Variants in CREB5 observed in about 807,000 individuals in gnomAD.
CREB5 encodes cAMP responsive element binding protein 5.
CREB5 carries 19 observed loss-of-function variants against 57.1 expected under a neutral mutation model. That is an observed-to-expected ratio of 0.33 (90% confidence interval 0.23 to 0.49). The LOEUF is 0.49. CREB5 is among the 20% of genes least tolerant of loss of function. The pLI is 0.99. For missense variants in CREB5, 579 were observed against 671.6 expected (o/e 0.86, Z 1.52); for synonymous variants, 238 against 238.3 (o/e 1.00, Z 0.01).
intron 5 of CREB5, among the ~76,000 whole-genome samples, chr7:28,589,311 T>C (rs150896293): frequency 0.1 from 15,685 of 152,108 alleles, 990 homozygotes; most frequent in South Asian, 0.19. Flanking sequence ...TCTCAGCACT[T>C]TGGGAGACCG....
rs114335825 is a variant in CREB5, at chr7:28,301,964, T to A, written c.-25+2523T>A. Among the ~76,000 whole-genome samples the A allele has an allele frequency of 5.9e-3, 900 of 152,356 alleles. 15 individuals carry two copies. Among genetic ancestry groups the A allele is most frequent in the African/African-American group, 0.021 (864 of 41,586 alleles). ...TGACTGAGTGAAGTCAGAGCTTTGA[T>A]ATCTGGAGAGGGTGTTTTAAATGGA... is the stretch of plus-strand genomic sequence containing the variant. On this transcript the variant is annotated intron_variant, in intron 1 of 9. Transcript: ENST00000396299.
intron 1 of CREB5, among the ~76,000 whole-genome samples, chr7:28,348,103 T>A (rs76239954): frequency 6.6e-6 from 1 of 152,124 alleles, no homozygotes. Flanking sequence ...TTCCTTGTGT[T>A]ATTCAGCCGA....
rs75177447 is a variant in CREB5 at position 28,391,734 on chromosome 7, C to A, written c.-25+92293C>A. ...TGGTTCTTCTCACCAAATATCAGAA[C>A]AACAAATCAATCTTCCATCTCTGTC... On this transcript the variant is annotated intron_variant, in intron 1 of 9. Coordinates refer to the CREB5 transcript ENST00000396299. 6.6e-5 allele frequency among the ~76,000 whole-genome samples: 10 copies of A among 152,322 alleles called. No homozygotes were observed. The East Asian group carries it at 1.9e-3, about 29-fold the overall frequency.
chr7:28,483,654 A>G (rs895257295), intron 1 of CREB5, among the ~76,000 whole-genome samples: 2 of 152,170 alleles, frequency 1.3e-5, no homozygotes, highest in Non-Finnish European at 2.9e-5. Context: ...GAGTCTTTCA[A>G]ATGTTGCTTC....
chr7:28,388,236 G>A (rs1787149412), intron 1 of CREB5, among the ~76,000 whole-genome samples: 1 of 152,164 alleles, frequency 6.6e-6, no homozygotes, highest in African/African-American at 2.4e-5. Context: ...AGACCTTTGA[G>A]GGACAAGCCT....
chr7:28,537,425 T>C (rs1794009763), intron 4 of CREB5, among the ~76,000 whole-genome samples: 1 of 150,840 alleles, frequency 6.6e-6, no homozygotes, highest in Non-Finnish European at 1.5e-5. Flanking sequence ...GTTGAGCATA[T>C]GGCCATTTAA....
At chr7:28,712,515 A>G (rs1270888040) in intron 5 of CREB5, among the ~76,000 whole-genome samples, 1 of 150,204 alleles carries the variant, frequency 6.7e-6, no homozygotes, top group African/African-American at 2.4e-5. Context: ...CAAAAAAAAA[A>G]AAAGAGAATT....
At chr7:28,321,277 TTTCCTC>T (rs1419711988) in intron 1 of CREB5, among the ~76,000 whole-genome samples, 2 of 152,166 alleles carry the variant, frequency 1.3e-5, no homozygotes, top group Non-Finnish European at 2.9e-5. Flanking sequence ...TTCTGTCTCT[TTTCCTC>T]TTCCTCCTCG....
At chr7:28,519,549 A>G (rs58287767) in intron 4 of CREB5, among the ~76,000 whole-genome samples, 27,686 of 152,030 alleles carry the variant, frequency 0.18, 4,445 homozygotes, top group African/African-American at 0.44. Context: ...GGTTTGCACA[A>G]ATCTAAACAC....
At chr7:28,446,990 G>T (rs775538282) in intron 1 of CREB5, among the ~76,000 whole-genome samples, 11 of 152,130 alleles carry the variant, frequency 7.2e-5, no homozygotes, top group Admixed American at 3.3e-4. Flanking sequence ...AGTAGAATCT[G>T]ACTGGCTGAG....
At chr7:28,753,658 G>A (rs985471734) in intron 7 of CREB5, among the ~76,000 whole-genome samples, 2 of 150,794 alleles carry the variant, frequency 1.3e-5, no homozygotes, top group Admixed American at 1.3e-4. Flanking sequence ...AAACTAAATG[G>A]CATGCACTTG....
intron 1 of CREB5, among the ~76,000 whole-genome samples, chr7:28,453,167 G>A (rs1021258133): frequency 1.3e-5 from 2 of 152,296 alleles, no homozygotes; most frequent in East Asian, 3.9e-4. Flanking sequence ...GCCGGGCGTG[G>A]TGGCTTATAC....
chr7:28,590,874 G>C (rs1796485740), intron 5 of CREB5, among the ~76,000 whole-genome samples: 1 of 152,084 alleles, frequency 6.6e-6, no homozygotes, highest in Admixed American at 6.5e-5. Flanking sequence ...TATAGCAAAA[G>C]TCCTCAATGA....
chr7:28,401,939 G>A (rs553982326), intron 1 of CREB5, among the ~76,000 whole-genome samples: 24 of 152,306 alleles, frequency 1.6e-4, no homozygotes, highest in South Asian at 2.1e-4. Context: ...TAATGGGATG[G>A]CTGGGTCAAA....
At position 28,819,434 on chromosome 7, in the gene CREB5, T is replaced by A; in HGVS notation, c.*155T>A. On this transcript the variant is annotated 3_prime_UTR_variant, in exon 11 of 11. Transcript: ENST00000357727. The stretch of plus-strand genomic sequence containing the variant: ...ATAGTTATTATGGAAATGTTGTCTT[T>A]TATACTTAGTTATATAAGAAAAAAG... 4.4e-6 allele frequency: 3 copies of A among 685,988 alleles called. No homozygotes were observed. Among genetic ancestry groups the A allele is most frequent in the Non-Finnish European group, 6.8e-6 (3 of 437,984 alleles). 42.5% of individuals were successfully genotyped at this position (685,988 alleles called of 1,614,324 possible).
At position 28,494,062 on chromosome 7, in the gene CREB5, T is replaced by G. The variant is rs144488120; in HGVS notation, c.76-844T>G. Among the ~76,000 whole-genome samples, 720 of 152,314 alleles carry G rather than the reference T, an allele frequency of 4.7e-3. 8 individuals are homozygous for G. The highest frequency in any genetic ancestry group is 0.016 in the African/African-American group (680 of 41,576). On this transcript the variant is annotated intron_variant, in intron 2 of 10. Transcript: ENST00000357727. ...CTTCTTTCATCATGTATATCTCCTA[T>G]TTTTGGTTAATCCATAGATAATGTC... is the stretch of plus-strand genomic sequence containing the variant.
chr7:28,729,342 C>T (rs1803489628), intron 7 of CREB5, among the ~76,000 whole-genome samples: 1 of 152,178 alleles, frequency 6.6e-6, no homozygotes, highest in African/African-American at 2.4e-5. Flanking sequence ...GCTGCACTGA[C>T]ACATTACTAA....
chr7:28,560,591 C>T (rs961323323), intron 4 of CREB5, among the ~76,000 whole-genome samples: 10 of 152,066 alleles, frequency 6.6e-5, no homozygotes, highest in African/African-American at 2.4e-4. Flanking sequence ...CAGGAGGTGA[C>T]AGACCTCTAA....
chr7:28,612,790 G>A (rs1797445841), intron 5 of CREB5, among the ~76,000 whole-genome samples: 1 of 152,162 alleles, frequency 6.6e-6, no homozygotes, highest in Non-Finnish European at 1.5e-5. Context: ...GTAGGATTAT[G>A]TTAAATAATG....
Sources: allele counts gnomAD v4.1 joint callset (sites outside exome capture counted in the v4.1 genomes callset), GRCh38; gene constraint gnomAD v4.1.1; transcripts MANE v1.5; gene names NCBI Gene and HGNC (gene_info 2026-07-23, HGNC 2026-07-21).